RNFT2: variants seen among roughly 807,000 people sequenced by gnomAD.
RNFT2 encodes the protein E3 ubiquitin-protein ligase RNFT2.
In RNFT2, 36 loss-of-function variants were observed where a neutral mutation model predicts 53.0. The ratio of observed to expected loss-of-function variants is 0.68; its 90% CI spans 0.52 to 0.90. The LOEUF is 0.90. Ranked by LOEUF, RNFT2 falls within the 40% of genes least tolerant of loss-of-function variation. RNFT2 has a pLI of 0.00. For missense variants in RNFT2, 514 were observed against 585.6 expected, an observed-to-expected ratio of 0.88 and a Z score of 1.26; for synonymous variants, 260 against 253.2, an observed-to-expected ratio of 1.03 and a Z score of -0.26.
chr12:116,781,553 C>T (rs2132389), intron 7 of RNFT2, among the ~76,000 whole-genome samples: 110,724 of 151,918 alleles, frequency 0.73, 42,547 homozygotes, highest in Non-Finnish European at 0.85. Flanking sequence ...CTCCGTCTTC[C>T]GAGTCAGTGA....
At chr12:116,817,665 C>A (rs1875756774) in intron 7 of RNFT2, among the ~76,000 whole-genome samples, 1 of 152,174 alleles carries the variant, frequency 6.6e-6, no homozygotes, top group African/African-American at 2.4e-5. Flanking sequence ...CTGAAAAGCA[C>A]CACAGGGACT....
intron 3 of RNFT2, among the ~76,000 whole-genome samples, chr12:116,743,230 A>AAAAAAAAAAAAAAAAGTT (rs1871713779): frequency 8.3e-6 from 1 of 120,768 alleles, no homozygotes; most frequent in Non-Finnish European, 1.7e-5. Flanking sequence ...AAAAAAAAAA[A>AAAAAAAAAAAAAAAAGTT]AAAAAAAAAA....
intron 7 of RNFT2, among the ~76,000 whole-genome samples, chr12:116,832,532 A>C (rs985834061): frequency 6.6e-6 from 1 of 152,174 alleles, no homozygotes; most frequent in Non-Finnish European, 1.5e-5. Context: ...GGACATTGGC[A>C]TACATGTGGA....
chr12:116,750,374 G>T (rs919466513), intron 4 of RNFT2, 67 bp downstream of exon 4: 1 of 1,467,018 alleles, frequency 6.8e-7, no homozygotes, highest in African/African-American at 1.4e-5. Flanking sequence ...AGCCGGTGGG[G>T]TGGGGGCTCC....
At chr12:116,802,404 C>T (rs77497992) in intron 7 of RNFT2, among the ~76,000 whole-genome samples, 5,897 of 152,190 alleles carry the variant, frequency 0.039, 183 homozygotes, top group African/African-American at 0.076. Flanking sequence ...ACCAGCCATG[C>T]CCATTTATGT....
At chr12:116,838,267 A>G (rs1877079617) in intron 10 of RNFT2, among the ~76,000 whole-genome samples, 1 of 152,220 alleles carries the variant, frequency 6.6e-6, no homozygotes, top group Non-Finnish European at 1.5e-5. Flanking sequence ...AATTGCACCA[A>G]CCTGGGCCCA....
chr12:116,746,065 CAT>C (rs1033421423), intron 3 of RNFT2, among the ~76,000 whole-genome samples: 7 of 152,096 alleles, frequency 4.6e-5, no homozygotes, highest in African/African-American at 1.7e-4. Context: ...GGTGAAAACC[CAT>C]CTCTACAGAA....
intron 10 of RNFT2, among the ~76,000 whole-genome samples, chr12:116,841,858 A>AT (rs1877313449): frequency 2.5e-3 from 60 of 24,356 alleles, no homozygotes; most frequent in Non-Finnish European, 3.4e-3. Flanking sequence ...TATATATAAA[A>AT]ATATATATAT....
At chr12:116,795,748 T>C (rs1482739945) in intron 7 of RNFT2, among the ~76,000 whole-genome samples, 5 of 152,140 alleles carry the variant, frequency 3.3e-5, no homozygotes, top group African/African-American at 1.2e-4. Flanking sequence ...CTAAGAACTC[T>C]CTACAAGTCC....
intron 4 of RNFT2, among the ~76,000 whole-genome samples, chr12:116,750,872 ATATATATAT>A (rs1307718298): frequency 0.03 from 35 of 1,162 alleles, 2 homozygotes; most frequent in South Asian, 0.26. Context: ...TATATATATA[ATATATATAT>A]TATATATATA....
chr12:116,835,875 G>T lies in RNFT2; in HGVS notation c.1033-85G>T, dbSNP rs1876933178. 1.3e-5 allele frequency: 18 copies of T among 1,418,472 alleles called. No homozygotes were observed. The East Asian group carries it at 3.9e-4, about 31-fold the overall frequency. 87.9% of individuals were successfully genotyped at this position (1,418,472 alleles called of 1,614,324 possible). ...TGTTCTGAGTCAAAAATGGGTGGAGGGTCAGAGGATGGGGTGGGGTGATTG... is the reference window on the plus strand; with the variant it reads ...TGTTCTGAGTCAAAAATGGGTGGAGTGTCAGAGGATGGGGTGGGGTGATTG... On this transcript the variant is annotated intron_variant, in intron 8 of 10. Coordinates refer to ENST00000257575, the MANE Select transcript of RNFT2 (RefSeq NM_001382266.1).
intron 7 of RNFT2, among the ~76,000 whole-genome samples, chr12:116,786,622 C>T (rs1873948524): frequency 6.6e-6 from 1 of 152,184 alleles, no homozygotes; most frequent in Non-Finnish European, 1.5e-5. Context: ...GCTCTCAATA[C>T]CCCTGTAAGA....
chr12:116,843,793 G>A (rs975668968), intron 10 of RNFT2, among the ~76,000 whole-genome samples: 1 of 152,200 alleles, frequency 6.6e-6, no homozygotes, highest in African/African-American at 2.4e-5. Flanking sequence ...AGCTCCCGGA[G>A]GGCAGGGACC....
chr12:116,768,455 G>A (rs1370575789), intron 6 of RNFT2, among the ~76,000 whole-genome samples: 5 of 152,108 alleles, frequency 3.3e-5, no homozygotes, highest in Admixed American at 6.5e-5. Context: ...TTCTGTCAAC[G>A]ATGGACCATA....
chr12:116,765,621 C>T (rs1017325953), intron 5 of RNFT2, among the ~76,000 whole-genome samples: 2 of 152,192 alleles, frequency 1.3e-5, no homozygotes, highest in Admixed American at 1.3e-4. Flanking sequence ...AACACGCCCC[C>T]CTTTGCATCT....
chr12:116,741,398 T>C (rs1042444204), intron 3 of RNFT2, among the ~76,000 whole-genome samples: 2 of 152,184 alleles, frequency 1.3e-5, no homozygotes, highest in Non-Finnish European at 2.9e-5. Flanking sequence ...AATGGGTGGT[T>C]TAAACAACAA....
chr12:116,764,551 C>T (rs925834851), intron 5 of RNFT2, among the ~76,000 whole-genome samples: 1 of 152,152 alleles, frequency 6.6e-6, no homozygotes, highest in Non-Finnish European at 1.5e-5. Flanking sequence ...TCCTTCCTGA[C>T]CCTTAGTCTC....
chr12:116,827,983 G>A (rs185981285), intron 7 of RNFT2, among the ~76,000 whole-genome samples: 4 of 152,310 alleles, frequency 2.6e-5, no homozygotes, highest in Non-Finnish European at 4.4e-5. Context: ...CTGCAAGGAA[G>A]AACAGAGAGA....
intron 7 of RNFT2, among the ~76,000 whole-genome samples, chr12:116,814,150 A>T (rs1317493809): frequency 6.6e-6 from 1 of 152,154 alleles, no homozygotes; most frequent in Admixed American, 6.6e-5. Flanking sequence ...GTCACCATGC[A>T]CGTACTACCT....
Sources: gnomAD v4.1 joint callset for allele counts (sites outside exome capture counted in the v4.1 genomes callset) on GRCh38, gnomAD v4.1.1 for gene constraint, MANE v1.5 for transcripts, NCBI Gene and HGNC (gene_info 2026-07-23, HGNC 2026-07-21) for gene names.